C15orf40: variants seen among roughly 807,000 people sequenced by gnomAD.
C15orf40 encodes UPF0235 protein C15orf40.
Under a neutral mutation model 13.9 loss-of-function variants are expected in C15orf40, and 9 were observed. The ratio of observed to expected loss-of-function variants is 0.65; its 90% CI spans 0.39 to 1.13. The LOEUF (loss-of-function observed/expected upper bound fraction) is 1.13, where lower values mean the gene tolerates loss of function less well. Ranked by LOEUF, C15orf40 falls within the 50% of genes most tolerant of loss-of-function variation. The pLI is 0.01. For missense variants in C15orf40, 225 were observed against 188.5 expected (o/e 1.19, Z -1.13); for synonymous variants, 95 against 69.2 (o/e 1.37, Z -1.85).
chr15:83,005,897 C>A (rs181563050), intron 3 of C15orf40, among the ~76,000 whole-genome samples: 6 of 152,022 alleles, frequency 3.9e-5, no homozygotes, highest in African/African-American at 1.4e-4. Flanking sequence ...AGGGTTTTTA[C>A]CTTCATACAT....
rs370388542 is a variant in C15orf40 at position 83,011,536 on chromosome 15, AAGAAG to A, written c.67_71del (p.Leu24ArgfsTer5). On this transcript the variant is annotated frameshift_variant, in exon 1 of 4. Transcript: ENST00000304177. LOFTEE classifies it high-confidence loss of function. ...CAGCCTTCTTAGGCATCTCGGCGCA[AAGAAG>A]CCGAGCGGAGCCCCGAGTATTGGGT... 215 of 1,606,644 alleles carry A rather than the reference AAGAAG, an allele frequency of 1.3e-4. 2 individuals are homozygous for A. The South Asian group carries it at 2.2e-3, about 16-fold the overall frequency.
Position 82,995,189 on chromosome 15 carries a change from T to C in C15orf40, c.*10408A>G, listed in dbSNP as rs2123157. 81,632 of 151,988 alleles carry C rather than the reference T, an allele frequency of 0.54. 22,313 individuals carry two copies. Among genetic ancestry groups the C allele is most frequent in the African/African-American group, 0.62 (25,700 of 41,450 alleles). 9.4% of individuals were successfully genotyped at this position (151,988 alleles called of 1,614,324 possible). A position where few individuals can be genotyped will look rare whatever the true frequency, so the allele number is the denominator to read the frequency against. On this transcript the variant is annotated 3_prime_UTR_variant, in exon 4 of 4. Coordinates refer to ENST00000304177, the MANE Select transcript of C15orf40 (RefSeq NM_144597.3). ...AGGAAAATAAGGATGGAAGTAGAGA[T>C]CCCTTGACTTGTGCACATTCTGGGA...
downstream of C15orf40, chr15:82,989,046 A>C: frequency 6.2e-7 from 1 of 1,613,118 alleles, no homozygotes. Context: ...AGCTGTTCCA[A>C]AGTTTGAAGA....
At chr15:82,991,752 A>C (rs1449548911), downstream of C15orf40, among the ~76,000 whole-genome samples, 1 of 152,204 alleles carries the variant, frequency 6.6e-6, no homozygotes, top group African/African-American at 2.4e-5. Flanking sequence ...ACTAAGATGC[A>C]AATACAATTT....
chr15:83,009,471 T>C (rs1206955191), intron 2 of C15orf40, among the ~76,000 whole-genome samples: 1 of 152,194 alleles, frequency 6.6e-6, no homozygotes, highest in East Asian at 1.9e-4. Flanking sequence ...GTCTAGCACG[T>C]CAATGTTGTG....
rs1365825952 is a variant in C15orf40, at chr15:82,997,419, G to A, written c.*8178C>T. 1 of 142,196 alleles carries A rather than the reference G, an allele frequency of 7.0e-6. No individual in the cohort carries two copies. Among genetic ancestry groups the A allele is most frequent in the Admixed American group, 7.1e-5 (1 of 14,044 alleles). 8.8% of individuals were successfully genotyped at this position (142,196 alleles called of 1,614,324 possible). On this transcript the variant is annotated 3_prime_UTR_variant, in exon 4 of 4. Coordinates refer to ENST00000304177, the MANE Select transcript of C15orf40 (RefSeq NM_144597.3). Reference sequence around the variant, plus strand: ...GGTGATGACTCTTAACGAGCATGCTGCCTTCAAGCATCTGTTTAACAAAGC... The same window carrying A: ...GGTGATGACTCTTAACGAGCATGCTACCTTCAAGCATCTGTTTAACAAAGC...
chr15:83,002,387 CCT>C lies in C15orf40; in HGVS notation c.*3208_*3209del, dbSNP rs1335721501. 2.0e-5 allele frequency: 3 copies of C among 152,272 alleles called. No homozygotes were observed. Among genetic ancestry groups the C allele is most frequent in the African/African-American group, 7.2e-5 (3 of 41,466 alleles). 9.4% of individuals were successfully genotyped at this position (152,272 alleles called of 1,614,324 possible). A position where few individuals can be genotyped will look rare whatever the true frequency, so the allele number is the denominator to read the frequency against. The stretch of plus-strand genomic sequence containing the variant: ...TGGTGGTTCCTCTCCAGCATCCATT[CCT>C]CTCTTTGTAACTTTTCCCAATTTTA... On this transcript the variant is annotated 3_prime_UTR_variant, in exon 4 of 4. Coordinates refer to ENST00000304177, the MANE Select transcript of C15orf40 (RefSeq NM_144597.3).
chr15:82,992,649 G>A (rs766745328), downstream of C15orf40, among the ~76,000 whole-genome samples: 8 of 152,194 alleles, frequency 5.3e-5, no homozygotes, highest in Non-Finnish European at 1.2e-4. Flanking sequence ...AAAGGGAGAT[G>A]TATGGGTCCA....
In C15orf40 at chr15:83,010,255, T is replaced by G; in HGVS notation, c.220A>C (p.Lys74Gln). The G allele has an allele frequency of 6.2e-7, 1 of 1,614,236 alleles. No individual in the cohort carries two copies. Among genetic ancestry groups the G allele is most frequent in the South Asian group, 1.1e-5 (1 of 91,088 alleles). ...GGTATACCTGTTACAGCATTTTGTT[T>G]GGAGCCAGGTTTTGCATGGATGGCT... The part of the protein sequence containing the change: ...TIAIHAKPGS[K>Q]QNAVTDLTAE... The change falls in exon 2 of 4, where the codon AAA becomes CAA. Residue 74 changes from lysine to glutamine, a missense_variant. Transcript: ENST00000304177.
downstream of C15orf40, among the ~76,000 whole-genome samples, chr15:82,994,478 G>A (rs1037388121): frequency 6.6e-6 from 1 of 152,110 alleles, no homozygotes; most frequent in Non-Finnish European, 1.5e-5. Flanking sequence ...GGAAAACTAT[G>A]CCGTAGACTG....
In C15orf40 at chr15:83,000,986, T is replaced by C. The variant is rs890990351; in HGVS notation, c.*4611A>G. ...CATTGCCATGCCCAGCGAATATTTGTATTTGTAGTAGAAACAGGGTTTCGC... is the reference window on the plus strand; with the variant it reads ...CATTGCCATGCCCAGCGAATATTTGCATTTGTAGTAGAAACAGGGTTTCGC... On this transcript the variant is annotated 3_prime_UTR_variant, in exon 4 of 4. Transcript: ENST00000304177. 1 of 359,458 alleles carries C rather than the reference T, an allele frequency of 2.8e-6. No homozygotes were observed. The highest frequency in any genetic ancestry group is 3.9e-6 in the Non-Finnish European group (1 of 257,946). The allele number at this position is 359,458 out of a possible 1,614,324, so 22.3% of individuals were successfully genotyped here. A position where few individuals can be genotyped will look rare whatever the true frequency, so the allele number is the denominator to read the frequency against.
downstream of C15orf40, among the ~76,000 whole-genome samples, chr15:82,992,722 T>A (rs1323410442): frequency 2.0e-5 from 3 of 152,130 alleles, no homozygotes; most frequent in Non-Finnish European, 4.4e-5. Context: ...CCAACAGTAT[T>A]TAAATGTTTT....
chr15:83,007,802 G>C (rs2031770026), intron 3 of C15orf40: 1 of 152,434 alleles, frequency 6.6e-6, no homozygotes, highest in Admixed American at 6.5e-5. Context: ...TGAGGCTGAA[G>C]AATCACTTGA....
In C15orf40 at chr15:82,997,077, G is replaced by A. The variant is rs2031125600; in HGVS notation, c.*8520C>T. On this transcript the variant is annotated 3_prime_UTR_variant, in exon 4 of 4. Transcript: ENST00000304177. The stretch of plus-strand genomic sequence containing the variant: ...TTATTTTTAACTGACTTCTATAGCT[G>A]TTATTTTCCTGTCTTTATTCACTGT... The A allele has an allele frequency of 6.7e-6, 1 of 149,322 alleles. No individual in the cohort carries two copies. The highest frequency in any genetic ancestry group is 2.1e-4 in the South Asian group (1 of 4,784). 9.2% of individuals were successfully genotyped at this position (149,322 alleles called of 1,614,324 possible). A position where few individuals can be genotyped will look rare whatever the true frequency, so the allele number is the denominator to read the frequency against.
intron 2 of C15orf40, among the ~76,000 whole-genome samples, chr15:83,009,480 T>C (rs933282460): frequency 3.9e-5 from 6 of 152,238 alleles, no homozygotes; most frequent in African/African-American, 1.4e-4. Context: ...GTCAATGTTG[T>C]GGTTTTCCTT....
chr15:82,997,279 T>C lies in C15orf40; in HGVS notation c.*8318A>G, dbSNP rs1289403301. The C allele has an allele frequency of 1.3e-5, 2 of 148,172 alleles. No homozygotes were observed. The highest frequency in any genetic ancestry group is 5.0e-5 in the African/African-American group (2 of 39,708). The allele number at this position is 148,172 out of a possible 1,614,324, so 9.2% of individuals were successfully genotyped here. ...TTGGGTGTTTCTCACAGAGGGGGAT[T>C]TGGCAGGGAAGGTCAGCAGATAAAC... On this transcript the variant is annotated 3_prime_UTR_variant, in exon 4 of 4. Transcript: ENST00000304177.
intron 3 of C15orf40, chr15:83,008,234 G>A: frequency 8.7e-6 from 2 of 231,050 alleles, no homozygotes; most frequent in South Asian, 5.8e-5. Context: ...AAAAGAGAGA[G>A]ACCTCCGGGC....
chr15:83,005,544 A>C lies in C15orf40; in HGVS notation c.*53T>G. ...GGTGATCCGCCCACCACGGCCTCCC[A>C]AAGTGCTGGGATTACAGGCATGAGC... On this transcript the variant is annotated 3_prime_UTR_variant, in exon 4 of 4. Coordinates refer to ENST00000304177, the MANE Select transcript of C15orf40 (RefSeq NM_144597.3). 1 of 1,493,476 alleles carries C rather than the reference A, an allele frequency of 6.7e-7. No homozygotes were observed. Among genetic ancestry groups the C allele is most frequent in the Non-Finnish European group, 9.0e-7 (1 of 1,106,252 alleles). 92.5% of individuals were successfully genotyped at this position (1,493,476 alleles called of 1,614,324 possible).
chr15:83,000,047 A>G lies in C15orf40; in HGVS notation c.*5550T>C, dbSNP rs2031349761. ...GCTGATACCATAGGTCCATCCCTGC[A>G]GCAGAAATGGGAGCTATAGATGGTC... On this transcript the variant is annotated 3_prime_UTR_variant, in exon 4 of 4. Coordinates refer to ENST00000304177, the MANE Select transcript of C15orf40 (RefSeq NM_144597.3). The G allele has an allele frequency of 6.6e-6, 1 of 152,202 alleles. No homozygotes were observed. The highest frequency in any genetic ancestry group is 2.1e-4 in the South Asian group (1 of 4,832). 9.4% of individuals were successfully genotyped at this position (152,202 alleles called of 1,614,324 possible).
Sources: gnomAD v4.1 joint callset for allele counts (sites outside exome capture counted in the v4.1 genomes callset) on GRCh38, gnomAD v4.1.1 for gene constraint, MANE v1.5 for transcripts, NCBI Gene and HGNC (gene_info 2026-07-23, HGNC 2026-07-21) for gene names.